GLG1: variants seen among roughly 807,000 people sequenced by gnomAD.
GLG1 encodes the protein Golgi apparatus protein 1.
Under a neutral mutation model 160.5 loss-of-function variants are expected in GLG1, and 38 were observed. The ratio of observed to expected loss-of-function variants is 0.24; its 90% CI spans 0.18 to 0.31. The LOEUF (loss-of-function observed/expected upper bound fraction) is 0.31. Among genes scored for constraint, GLG1 ranks in the 10% least tolerant of loss-of-function variants. GLG1 has a pLI of 1.00. For missense variants in GLG1, 1,373 were observed against 1,505.2 expected (o/e 0.91, Z 1.45); for synonymous variants, 644 against 543.4 (o/e 1.19, Z -2.57).
chr16:74,467,918 T>TA, intron 17 of GLG1, 70 bp from the exon 18 acceptor site: 1 of 1,015,636 alleles, frequency 9.8e-7, no homozygotes, highest in Admixed American at 2.1e-5. Flanking sequence ...TCTGGAGACT[T>TA]ATTTGTTGAC....
intron 1 of GLG1, among the ~76,000 whole-genome samples, chr16:74,587,737 G>A (rs1223524396): frequency 2.6e-5 from 4 of 152,102 alleles, no homozygotes; most frequent in Non-Finnish European, 5.9e-5. Context: ...ATTGTGGCAC[G>A]TGCCTGTAGT....
intron 1 of GLG1, among the ~76,000 whole-genome samples, chr16:74,575,780 G>C (rs960491585): frequency 5.9e-5 from 9 of 152,090 alleles, no homozygotes; most frequent in African/African-American, 2.2e-4. Context: ...AGAAAATATT[G>C]ATTTCATAGA....
intron 4 of GLG1, among the ~76,000 whole-genome samples, chr16:74,501,045 A>G (rs2016385804): frequency 6.6e-6 from 1 of 152,202 alleles, no homozygotes; most frequent in Admixed American, 6.5e-5. Context: ...GAAGAGTTTC[A>G]AGCTTCAGTG....
At chr16:74,508,662 G>A (rs113328940) in intron 3 of GLG1, among the ~76,000 whole-genome samples, 177 bp downstream of exon 3, 7 of 152,148 alleles carry the variant, frequency 4.6e-5, no homozygotes, top group South Asian at 2.1e-4. Flanking sequence ...TAATGTAAGC[G>A]TAGGTGGACA....
chr16:74,511,883 C>T, intron 2 of GLG1, among the ~76,000 whole-genome samples: 1 of 152,082 alleles, frequency 6.6e-6, no homozygotes, highest in Non-Finnish European at 1.5e-5. Flanking sequence ...TCCCTAAGAA[C>T]CATGACAGTA....
chr16:74,492,962 T>G lies in GLG1; in HGVS notation c.1229A>C (p.His410Pro). The G allele has an allele frequency of 3.1e-6, 5 of 1,599,838 alleles. No individual in the cohort carries two copies. The highest frequency in any genetic ancestry group is 2.7e-5 in the African/African-American group (2 of 74,140). Residue 410 changes from histidine to proline, a missense_variant, in exon 7 of 26, where the codon CAC (histidine) becomes CCC (proline). Around this residue, in one of 4 missense-constraint regions of GLG1, gnomAD observed 386 missense variants for 388.5 expected, o/e 0.99. Transcript: ENST00000422840. The part of the protein sequence containing the change: ...YLLMCLESAV[H>P]RGRQVSSECQ... ...AAAAAAAATATGAATGCTACCTCTG[T>G]GTACAGCTGACTCCAGGCACATTAA... is the stretch of plus-strand genomic sequence containing the variant.
At chr16:74,493,735 G>C (rs527541986) in intron 6 of GLG1, among the ~76,000 whole-genome samples, 72 of 152,272 alleles carry the variant, frequency 4.7e-4, no homozygotes, top group African/African-American at 1.7e-3. Flanking sequence ...AACTAAAAGA[G>C]GATGCTTAAT....
chr16:74,587,223 G>A (rs538464300), intron 1 of GLG1, among the ~76,000 whole-genome samples: 4 of 152,244 alleles, frequency 2.6e-5, no homozygotes, highest in African/African-American at 9.6e-5. Flanking sequence ...CAACAAACCA[G>A]GTGAGCCGAT....
At position 74,504,859 on chromosome 16, in the gene GLG1, T is replaced by A. The variant is rs143813065; in HGVS notation, c.559-1113A>T. ...TGCATTCCAAACCACAAAATGCTAA[T>A]AAAGCAAACTAGCCCCCAAATGCTG... On this transcript the variant is annotated intron_variant, in intron 3 of 25. Coordinates refer to ENST00000422840, the MANE Select transcript of GLG1 (RefSeq NM_001145667.2). 1.2e-3 allele frequency among the ~76,000 whole-genome samples: 179 copies of A among 152,218 alleles called. 2 individuals are homozygous for A. The highest frequency in any genetic ancestry group is 4.2e-3 in the African/African-American group (173 of 41,536).
In GLG1 at chr16:74,452,072, G is replaced by A. The variant is rs1407840978; in HGVS notation, c.*1095C>T. The A allele has an allele frequency of 1.9e-5, 30 of 1,613,086 alleles. No homozygotes were observed. The highest frequency in any genetic ancestry group is 2.5e-5 in the Non-Finnish European group (29 of 1,178,992). ...GCAGAAAGGTCAGGCTGGACTGCCT[G>A]TCACATCCTGAGACCACACTAAACC... On this transcript the variant is annotated 3_prime_UTR_variant, in exon 26 of 26. Transcript: ENST00000422840.
At position 74,567,945 on chromosome 16, in the gene GLG1, G is replaced by C. The variant is rs180969396; in HGVS notation, c.439-35792C>G. Among the ~76,000 whole-genome samples the C allele has an allele frequency of 3.5e-4, 53 of 152,292 alleles. No individual in the cohort carries two copies. In the East Asian group the frequency reaches 4.6e-3, roughly 13 times the overall value. On this transcript the variant is annotated intron_variant, in intron 1 of 25. Transcript: ENST00000422840. ...GATTCACCCAACTCTGTCAATCTCA[G>C]TCTGAGTGCTCCAGGTCGGGCCTCA...
intron 1 of GLG1, among the ~76,000 whole-genome samples, chr16:74,542,711 AAGAAG>A (rs1267410578): frequency 0.011 from 210 of 18,348 alleles, 10 homozygotes; most frequent in Non-Finnish European, 0.016. Flanking sequence ...GGAGGAAGGG[AAGAAG>A]GGAAGGAAGG....
At chr16:74,477,809 A>C (rs1202511458) in intron 11 of GLG1, among the ~76,000 whole-genome samples, 1 of 151,858 alleles carries the variant, frequency 6.6e-6, no homozygotes, top group African/African-American at 2.4e-5. Context: ...CCCTGTCTCT[A>C]CTAAACACAC....
Position 74,451,664 on chromosome 16 carries a change from A to G in GLG1, c.*1503T>C, listed in dbSNP as rs2014310331. 1.0e-5 allele frequency: 2 copies of G among 200,198 alleles called. No individual in the cohort carries two copies. The highest frequency in any genetic ancestry group is 2.1e-5 in the Non-Finnish European group (2 of 95,892). 12.4% of individuals were successfully genotyped at this position (200,198 alleles called of 1,614,324 possible). A position where few individuals can be genotyped will look rare whatever the true frequency, so the allele number is the denominator to read the frequency against. ...CATCTAACAGGTTAATAAAATATAT[A>G]TTACATAAATGTCTCTCCTACTGTA... On this transcript the variant is annotated 3_prime_UTR_variant, in exon 26 of 26. Coordinates refer to ENST00000422840, the MANE Select transcript of GLG1 (RefSeq NM_001145667.2).
intron 1 of GLG1, among the ~76,000 whole-genome samples, chr16:74,548,070 T>C (rs549974845): frequency 4.6e-5 from 7 of 152,194 alleles, no homozygotes; most frequent in Non-Finnish European, 1.0e-4. Flanking sequence ...GCTGGGATAA[T>C]AGGCGTGCGC....
intron 1 of GLG1, among the ~76,000 whole-genome samples, chr16:74,568,686 G>A (rs2143770659): frequency 6.6e-6 from 1 of 152,250 alleles, no homozygotes; most frequent in Non-Finnish European, 1.5e-5. Context: ...CCAAAGTGCT[G>A]GGATTACAGG....
intron 19 of GLG1, 121 bp from the exon 20 acceptor site, chr16:74,463,600 C>T (rs1206583295): frequency 1.1e-5 from 10 of 929,290 alleles, no homozygotes; most frequent in Admixed American, 4.3e-5. Context: ...AGTGCAGTGG[C>T]GCAATTCGGC....
At chr16:74,485,107 A>G (rs963222679) in intron 9 of GLG1, among the ~76,000 whole-genome samples, 11 of 152,228 alleles carry the variant, frequency 7.2e-5, no homozygotes, top group Non-Finnish European at 1.6e-4. Flanking sequence ...TTGCCTTGCT[A>G]TATTGCCCAG....
chr16:74,566,246 C>T (rs550122132), intron 1 of GLG1, among the ~76,000 whole-genome samples: 1 of 152,182 alleles, frequency 6.6e-6, no homozygotes, highest in African/African-American at 2.4e-5. Flanking sequence ...CTCAGCCCAT[C>T]ATCAAGAAAG....
Sources: gnomAD v4.1 joint callset for allele counts (sites outside exome capture counted in the v4.1 genomes callset) on GRCh38, gnomAD v4.1.1 for gene constraint, gnomAD v4.1.1 regional missense constraint, MANE v1.5 for transcripts, NCBI Gene and HGNC (gene_info 2026-07-23, HGNC 2026-07-21) for gene names.